The following GRIA3 variants were observed in gnomAD, a reference collection of about 807,000 sequenced individuals.
GRIA3 encodes glutamate ionotropic receptor AMPA type subunit 3.
A neutral mutation model predicts 63.0 loss-of-function variants in GRIA3; 3 were observed. That is an observed-to-expected ratio of 0.05 (90% CI 0.02 to 0.12). GRIA3 has a LOEUF of 0.12. Among genes scored for constraint, GRIA3 ranks in the 10% least tolerant of loss-of-function variants. The pLI is 1.00. For missense variants in GRIA3, 347 were observed against 700.9 expected, an observed-to-expected ratio of 0.50 and a Z score of 5.70; for synonymous variants, 274 against 257.9, an observed-to-expected ratio of 1.06 and a Z score of -0.60.
chrX:123,273,637 G>T (rs1156898611), intron 3 of GRIA3, among the ~76,000 whole-genome samples: 1 of 111,672 alleles, frequency 9.0e-6, no homozygotes, highest in Non-Finnish European at 1.9e-5. Context: ...TGACCTATCA[G>T]GCATTGTGGC....
chrX:123,329,010 C>T (rs766681338), intron 4 of GRIA3, among the ~76,000 whole-genome samples: 2 of 111,792 alleles, frequency 1.8e-5, no homozygotes, highest in East Asian at 2.8e-4. Flanking sequence ...GGTTCCTAAC[C>T]AGTCTTTTGA....
intron 4 of GRIA3, among the ~76,000 whole-genome samples, chrX:123,352,362 A>G (rs963269641): frequency 9.8e-5 from 11 of 112,647 alleles, no homozygotes; most frequent in South Asian, 7.4e-4. Context: ...TTACAGGCGT[A>G]AGCCACCGCA....
intron 9 of GRIA3, among the ~76,000 whole-genome samples, chrX:123,403,823 T>C (rs1603136519): frequency 9.0e-6 from 1 of 111,401 alleles, no homozygotes; most frequent in African/African-American, 3.3e-5. Flanking sequence ...TAATTCTTCA[T>C]TGTGGGGGAA....
chrX:123,423,761 G>A (rs1216605612), intron 11 of GRIA3, among the ~76,000 whole-genome samples: 2 of 112,127 alleles, frequency 1.8e-5, no homozygotes, highest in Non-Finnish European at 3.8e-5. Context: ...TCTTCATCTT[G>A]TAAAGCTAGT....
chrX:123,372,343 T>C (rs2045252458), intron 5 of GRIA3, among the ~76,000 whole-genome samples: 1 of 112,050 alleles, frequency 8.9e-6, no homozygotes, highest in African/African-American at 3.2e-5. Flanking sequence ...TCAGGATAGC[T>C]TTGGCTATTC....
chrX:123,472,755 C>G (rs1423193410), intron 13 of GRIA3, among the ~76,000 whole-genome samples: 1 of 112,316 alleles, frequency 8.9e-6, no homozygotes, highest in Admixed American at 9.4e-5. Flanking sequence ...TGGCTTTACC[C>G]ATGTGTGTAA....
chrX:123,400,006 G>A (rs1258618426), intron 7 of GRIA3, among the ~76,000 whole-genome samples: 1 of 111,389 alleles, frequency 9.0e-6, no homozygotes, highest in Non-Finnish European at 1.9e-5. Flanking sequence ...AACCTTCATA[G>A]CAGTTACAAG....
intron 4 of GRIA3, among the ~76,000 whole-genome samples, chrX:123,341,893 C>T: frequency 9.0e-6 from 1 of 111,452 alleles, no homozygotes; most frequent in Middle Eastern, 4.6e-3. Flanking sequence ...TAAACACTGC[C>T]TTGTAGAGCT....
intron 2 of GRIA3, among the ~76,000 whole-genome samples, chrX:123,241,553 A>G (rs2044330016): frequency 9.1e-6 from 1 of 110,461 alleles, no homozygotes; most frequent in Admixed American, 9.7e-5. Flanking sequence ...TTTCTAGTCC[A>G]GAATTGGGGG....
intron 4 of GRIA3, among the ~76,000 whole-genome samples, chrX:123,341,467 G>A (rs1056275329): frequency 1.8e-5 from 2 of 111,034 alleles, no homozygotes; most frequent in Non-Finnish European, 3.8e-5. Flanking sequence ...AATGAGTGAG[G>A]CTAAACCCAT....
Position 123,254,340 on chromosome X carries a change from C to T in GRIA3, c.508+798C>T, listed in dbSNP as rs2044407735. 2.7e-5 allele frequency among the ~76,000 whole-genome samples: 3 copies of T among 111,207 alleles called. No homozygotes were observed. The Admixed American group carries it at 2.8e-4, about 11-fold the overall frequency. ...GTCTATTGATTAATTTGCTAGAGCA[C>T]ACACATCATAATTCATCTAATCAGG... is the stretch of plus-strand genomic sequence containing the variant. On this transcript the variant is annotated intron_variant, in intron 3 of 15. Coordinates refer to ENST00000620443, the MANE Select transcript of GRIA3 (RefSeq NM_007325.5).
chrX:123,407,694 G>GGGT lies in GRIA3; in HGVS notation c.1500+2782_1500+2783insTGG, dbSNP rs200555420. On this transcript the variant is annotated intron_variant, in intron 10 of 15. Coordinates refer to ENST00000620443, the MANE Select transcript of GRIA3 (RefSeq NM_007325.5). The stretch of plus-strand genomic sequence containing the variant: ...ATTTCAACATATGACTTGGTTGCGG[G>GGGT]GGGGGGGGGGACGTGGGGACACAAA... 2.3e-5 allele frequency among the ~76,000 whole-genome samples: 2 copies of GGGT among 85,226 alleles called. 1 individual carries two copies. Among genetic ancestry groups the GGGT allele is most frequent in the African/African-American group, 9.5e-5 (2 of 20,969 alleles). 74.0% of individuals were successfully genotyped at this position (85,226 alleles called of 115,157 possible).
At chrX:123,305,936 G>T (rs1362711033) in intron 3 of GRIA3, among the ~76,000 whole-genome samples, 1 of 111,776 alleles carries the variant, frequency 8.9e-6, no homozygotes, top group Non-Finnish European at 1.9e-5. Flanking sequence ...GGGAAGATGG[G>T]TTGGGTAGAC....
At chrX:123,207,578 C>G (rs1927923899) in intron 2 of GRIA3, among the ~76,000 whole-genome samples, 1 of 112,191 alleles carries the variant, frequency 8.9e-6, no homozygotes, top group Non-Finnish European at 1.9e-5. Context: ...TGTTTCCTTT[C>G]AGATTCGGCA....
At chrX:123,315,109 A>G (rs1028664795) in intron 3 of GRIA3, among the ~76,000 whole-genome samples, 22 of 111,729 alleles carry the variant, frequency 2.0e-4, no homozygotes, top group African/African-American at 7.1e-4. Flanking sequence ...CTGTTCAATG[A>G]TTCCACAAAT....
intron 2 of GRIA3, among the ~76,000 whole-genome samples, chrX:123,192,682 A>G (rs1224704988): frequency 3.6e-5 from 4 of 111,719 alleles, no homozygotes; most frequent in African/African-American, 1.3e-4. Flanking sequence ...TATCCTCAAC[A>G]CAACCATCAT....
At chrX:123,189,284 A>T (rs1390626688) in intron 2 of GRIA3, among the ~76,000 whole-genome samples, 2 of 112,253 alleles carry the variant, frequency 1.8e-5, no homozygotes, top group Non-Finnish European at 3.8e-5. Context: ...TAGACACACA[A>T]TCAATATATA....
At chrX:123,245,668 A>G (rs2044354448) in intron 2 of GRIA3, among the ~76,000 whole-genome samples, 2 of 111,575 alleles carry the variant, frequency 1.8e-5, no homozygotes, top group African/African-American at 3.3e-5. Context: ...CGGCTCAGCA[A>G]TCAATTCGAA....
chrX:123,281,594 C>T (rs188019510), intron 3 of GRIA3, among the ~76,000 whole-genome samples: 24 of 111,444 alleles, frequency 2.2e-4, no homozygotes, highest in African/African-American at 7.2e-4. Flanking sequence ...TGTCATGGTA[C>T]CTTAAACCTA....
Sources: gnomAD v4.1 joint callset for allele counts (sites outside exome capture counted in the v4.1 genomes callset) on GRCh38, gnomAD v4.1.1 for gene constraint, MANE v1.5 for transcripts, NCBI Gene and HGNC (gene_info 2026-07-23, HGNC 2026-07-21) for gene names.